The following ADAMTSL1 variants were observed in gnomAD, a reference collection of about 807,000 sequenced individuals.
The protein encoded by ADAMTSL1 is ADAMTS like 1, also known as ADAMTS-like protein 1.
In ADAMTSL1, 126 loss-of-function variants were observed where a neutral mutation model predicts 201.8. The ratio of observed to expected loss-of-function variants is 0.62; its 90% CI spans 0.54 to 0.72. The LOEUF is 0.72. Ranked by LOEUF, ADAMTSL1 falls within the 30% of genes least tolerant of loss-of-function variation. The probability of loss-of-function intolerance (pLI) is 0.00; values close to 1 mark genes in which losing one functional copy is unlikely to be tolerated. For missense variants in ADAMTSL1, 2,679 were observed against 2,277.8 expected, an observed-to-expected ratio of 1.18 and a Z score of -3.59; for synonymous variants, 1,121 against 903.4, an observed-to-expected ratio of 1.24 and a Z score of -4.32.
chr9:17,951,191 A>T (rs1265536606), intron 1 of ADAMTSL1, among the ~76,000 whole-genome samples: 1 of 152,208 alleles, frequency 6.6e-6, no homozygotes, highest in African/African-American at 2.4e-5. Context: ...GGCACAGGGC[A>T]TCATGGAGAG....
chr9:18,682,027 C>T, intron 12 of ADAMTSL1, 68 bp downstream of exon 12: 1 of 1,506,762 alleles, frequency 6.6e-7, no homozygotes, highest in Non-Finnish European at 9.0e-7. Flanking sequence ...TTTTAAACTC[C>T]TTGGAATATT....
intron 26 of ADAMTSL1, among the ~76,000 whole-genome samples, chr9:18,897,453 C>T (rs1381410825): frequency 1.3e-5 from 2 of 152,212 alleles, no homozygotes; most frequent in African/African-American, 2.4e-5. Context: ...ACACCTCCTA[C>T]AGGAGCATCT....
At chr9:18,408,302 C>G (rs1818288425) in intron 2 of ADAMTSL1, among the ~76,000 whole-genome samples, 2 of 152,060 alleles carry the variant, frequency 1.3e-5, no homozygotes, top group Admixed American at 6.6e-5. Flanking sequence ...AACACTGTCT[C>G]TACTAAAAAT....
chr9:18,706,647 T>C, intron 13 of ADAMTSL1, 100 bp from the exon 14 acceptor site: 1 of 1,255,820 alleles, frequency 8.0e-7, no homozygotes, highest in Non-Finnish European at 1.1e-6. Flanking sequence ...CTGGGACAGC[T>C]CTGGGCACTG....
rs563393914 is a variant in ADAMTSL1 at position 18,300,790 on chromosome 9, A to T, written c.207+136809A>T. Among the ~76,000 whole-genome samples the T allele has an allele frequency of 7.4e-4, 112 of 152,346 alleles. No individual in the cohort carries two copies. The South Asian group carries it at 0.022, about 29-fold the overall frequency. Reference sequence around the variant, plus strand: ...GGAAGTCCCATGATGACACCTGGGTAGCAAACCTACAGTACCCAGCCGAAA... The same window carrying T: ...GGAAGTCCCATGATGACACCTGGGTTGCAAACCTACAGTACCCAGCCGAAA... On this transcript the variant is annotated intron_variant, in intron 2 of 29. Coordinates refer to the ADAMTSL1 transcript ENST00000680146.
chr9:18,224,903 C>T (rs771919502), intron 2 of ADAMTSL1, among the ~76,000 whole-genome samples: 18 of 152,072 alleles, frequency 1.2e-4, no homozygotes, highest in African/African-American at 4.1e-4. Flanking sequence ...ATTTATTTTC[C>T]ACTCTTTGTT....
chr9:18,249,281 C>T (rs570576478), intron 2 of ADAMTSL1, among the ~76,000 whole-genome samples: 6 of 152,276 alleles, frequency 3.9e-5, no homozygotes, highest in South Asian at 2.1e-4. Context: ...ACATTCTAGA[C>T]GTGTCAAGTG....
chr9:18,753,209 T>C, intron 15 of ADAMTSL1, 89 bp from the exon 16 acceptor site: 2 of 1,299,758 alleles, frequency 1.5e-6, no homozygotes, highest in Non-Finnish European at 1.1e-6. Context: ...CTTTCCCAGT[T>C]AGGGGTTTTA....
intron 2 of ADAMTSL1, among the ~76,000 whole-genome samples, chr9:18,192,658 T>C (rs1829015513): frequency 6.6e-6 from 1 of 152,134 alleles, no homozygotes; most frequent in Non-Finnish European, 1.5e-5. Flanking sequence ...AATTTTTGGA[T>C]CACCTAGCAA....
In ADAMTSL1 at chr9:18,908,792, C is replaced by G; in HGVS notation, c.*244C>G. The G allele has an allele frequency of 2.5e-6, 1 of 406,924 alleles. No homozygotes were observed. Among genetic ancestry groups the G allele is most frequent in the Non-Finnish European group, 4.4e-6 (1 of 225,004 alleles). 25.2% of individuals were successfully genotyped at this position (406,924 alleles called of 1,614,324 possible). ...CAGATGTCTAAAGGAGGTTGCAGAG[C>G]AGGCCAGGCAGACAGTGGGGGCTCC... On this transcript the variant is annotated 3_prime_UTR_variant, in exon 29 of 29. Coordinates refer to ENST00000380548, the MANE Select transcript of ADAMTSL1 (RefSeq NM_001040272.6).
intron 1 of ADAMTSL1, among the ~76,000 whole-genome samples, chr9:17,991,167 A>T (rs1266620636): frequency 6.6e-6 from 1 of 152,160 alleles, no homozygotes. Flanking sequence ...TAATCACACA[A>T]CAATATTTTG....
chr9:17,987,203 G>T (rs1032669703), intron 1 of ADAMTSL1, among the ~76,000 whole-genome samples: 1 of 152,094 alleles, frequency 6.6e-6, no homozygotes, highest in Non-Finnish European at 1.5e-5. Flanking sequence ...AGTAGCAGAT[G>T]CATCAGGGCA....
At position 18,217,151 on chromosome 9, in the gene ADAMTSL1, A is replaced by G. The variant is rs558727344; in HGVS notation, c.207+53170A>G. ...AGTTACTTTATCTCTCTAGAGAAGC[A>G]TTTTTGTTCTGTTGCCTGCTTTTTC... On this transcript the variant is annotated intron_variant, in intron 2 of 29. Coordinates refer to the ADAMTSL1 transcript ENST00000680146. 2.0e-5 allele frequency among the ~76,000 whole-genome samples: 3 copies of G among 152,294 alleles called. No individual in the cohort carries two copies. The East Asian group carries it at 5.8e-4, about 29-fold the overall frequency.
chr9:18,800,622 CACTG>C (rs1272093172), intron 20 of ADAMTSL1, among the ~76,000 whole-genome samples: 3 of 152,066 alleles, frequency 2.0e-5, no homozygotes, highest in Non-Finnish European at 4.4e-5. Flanking sequence ...AGGAGAATCT[CACTG>C]AGCTCCCCAG....
At chr9:18,797,291 C>G (rs1194531646) in intron 20 of ADAMTSL1, among the ~76,000 whole-genome samples, 3 of 152,184 alleles carry the variant, frequency 2.0e-5, no homozygotes, top group Non-Finnish European at 2.9e-5. Context: ...AACAAAGGCT[C>G]AAATGTACAT....
intron 2 of ADAMTSL1, among the ~76,000 whole-genome samples, chr9:18,532,974 A>G (rs1452346993): frequency 6.6e-6 from 1 of 151,980 alleles, no homozygotes; most frequent in African/African-American, 2.4e-5. Context: ...TTGTACTAAT[A>G]TTTATTTGAT....
chr9:18,722,584 A>G (rs550014667), intron 15 of ADAMTSL1, among the ~76,000 whole-genome samples: 169 of 152,280 alleles, frequency 1.1e-3, no homozygotes, highest in African/African-American at 3.9e-3. Flanking sequence ...CCAGCTGGCT[A>G]GATTCCTTTC....
chr9:18,227,362 T>C (rs886380234), intron 2 of ADAMTSL1, among the ~76,000 whole-genome samples: 2 of 152,128 alleles, frequency 1.3e-5, no homozygotes, highest in South Asian at 2.1e-4. Context: ...AGTGGGAAGA[T>C]AGGAAAACAA....
chr9:18,189,826 C>T (rs1054446836), intron 2 of ADAMTSL1, among the ~76,000 whole-genome samples: 4 of 152,102 alleles, frequency 2.6e-5, no homozygotes, highest in Admixed American at 6.5e-5. Context: ...GTTCTGTGGA[C>T]TTTTAAACTC....
Sources: allele counts gnomAD v4.1 joint callset (sites outside exome capture counted in the v4.1 genomes callset), GRCh38; gene constraint gnomAD v4.1.1; transcripts MANE v1.5; gene names NCBI Gene and HGNC (gene_info 2026-07-23, HGNC 2026-07-21).